The following EXOC4 variants were observed in gnomAD, a reference collection of about 807,000 sequenced individuals.
EXOC4 encodes exocyst complex component 4.
Under a neutral mutation model 107.2 loss-of-function variants are expected in EXOC4, and 71 were observed. That is an observed-to-expected ratio of 0.66 (90% CI 0.55 to 0.81). The LOEUF is 0.81. Among genes scored for constraint, EXOC4 ranks in the 30% least tolerant of loss-of-function variants. EXOC4 has a pLI of 0.00. For synonymous variants in EXOC4, 456 were observed against 441.2 expected (o/e 1.03, Z -0.42); for missense variants, 1,108 against 1,189.6 (o/e 0.93, Z 1.01).
At chr7:133,790,590 A>G (rs1796681773) in intron 10 of EXOC4, among the ~76,000 whole-genome samples, 1 of 152,262 alleles carries the variant, frequency 6.6e-6, no homozygotes, top group Non-Finnish European at 1.5e-5. Context: ...GACCACATGC[A>G]TTTCATTTGA....
At chr7:133,919,952 A>G (rs1432436736) in intron 13 of EXOC4, among the ~76,000 whole-genome samples, 1 of 152,238 alleles carries the variant, frequency 6.6e-6, no homozygotes, top group Non-Finnish European at 1.5e-5. Flanking sequence ...TAGTTGTATA[A>G]GAAACTGCCA....
intron 11 of EXOC4, among the ~76,000 whole-genome samples, chr7:133,869,709 G>T (rs185623943): frequency 6.6e-6 from 1 of 152,260 alleles, no homozygotes; most frequent in East Asian, 1.9e-4. Flanking sequence ...GAATCATGTG[G>T]CAGGAAGTTC....
intron 5 of EXOC4, among the ~76,000 whole-genome samples, chr7:133,345,390 C>G (rs1795761351): frequency 6.6e-6 from 1 of 152,160 alleles, no homozygotes. Context: ...TTAGAAAGCC[C>G]ATGCATTAAT....
intron 5 of EXOC4, among the ~76,000 whole-genome samples, chr7:133,351,818 T>C (rs1489486782): frequency 1.3e-5 from 2 of 151,986 alleles, no homozygotes; most frequent in Non-Finnish European, 2.9e-5. Context: ...TTTATAACTA[T>C]AAATTTCTCC....
intron 10 of EXOC4, among the ~76,000 whole-genome samples, chr7:133,738,792 A>G (rs1795501026): frequency 6.6e-6 from 1 of 152,228 alleles, no homozygotes; most frequent in South Asian, 2.1e-4. Flanking sequence ...CATGTGAACC[A>G]GCATGCCTGT....
At chr7:133,564,398 C>T (rs933669501) in intron 9 of EXOC4, among the ~76,000 whole-genome samples, 11 of 152,146 alleles carry the variant, frequency 7.2e-5, no homozygotes, top group Non-Finnish European at 1.3e-4. Context: ...ACGATCCAGT[C>T]ACCTCCTACC....
intron 11 of EXOC4, among the ~76,000 whole-genome samples, chr7:133,875,466 G>T (rs1235871482): frequency 6.6e-6 from 1 of 152,090 alleles, no homozygotes; most frequent in Non-Finnish European, 1.5e-5. Context: ...TAGAGGGCAG[G>T]GTTTGAGGAA....
chr7:133,928,406 C>T (rs1456588115), intron 13 of EXOC4, among the ~76,000 whole-genome samples: 1 of 152,188 alleles, frequency 6.6e-6, no homozygotes, highest in Non-Finnish European at 1.5e-5. Context: ...TCTGTCTCTG[C>T]TGATGCCTGT....
At chr7:133,864,911 G>GT (rs1798605348) in intron 11 of EXOC4, among the ~76,000 whole-genome samples, 1 of 152,118 alleles carries the variant, frequency 6.6e-6, no homozygotes, top group Non-Finnish European at 1.5e-5. Flanking sequence ...ATGGGATAGG[G>GT]ATGTTATCTT....
At position 133,329,824 on chromosome 7, in the gene EXOC4, A is replaced by T. The variant is rs530824297; in HGVS notation, c.763+12434A>T. On this transcript the variant is annotated intron_variant, in intron 5 of 17. Transcript: ENST00000253861. ...TTCATCTCAGAGGGGCACCAGCCAG[A>T]TGCCAGCCAGAGCTCTCCTTTATGA... 7.4e-4 allele frequency among the ~76,000 whole-genome samples: 113 copies of T among 152,246 alleles called. 1 individual carries two copies. Among genetic ancestry groups the T allele is most frequent in the African/African-American group, 2.5e-3 (104 of 41,532 alleles).
At chr7:133,660,954 C>T (rs967809544) in intron 10 of EXOC4, among the ~76,000 whole-genome samples, 4 of 152,064 alleles carry the variant, frequency 2.6e-5, no homozygotes, top group Non-Finnish European at 4.4e-5. Flanking sequence ...TTAAAAAACC[C>T]CAGAAATCTG....
chr7:133,330,647 G>GCACAGTCCCT lies in EXOC4; in HGVS notation c.763+13293_763+13302dup, dbSNP rs58220744. Among the ~76,000 whole-genome samples, 1,206 of 150,364 alleles carry GCACAGTCCCT rather than the reference G, an allele frequency of 8.0e-3. 26 individuals are homozygous for GCACAGTCCCT. The highest frequency in any genetic ancestry group is 0.027 in the African/African-American group (1,108 of 40,928). ...GGAGTGCACTGTTCCTCACGGCACG[G>GCACAGTCCCT]CACAGTCCCTCACAGTCCCTCACAG... On this transcript the variant is annotated intron_variant, in intron 5 of 17. Coordinates refer to ENST00000253861, the MANE Select transcript of EXOC4 (RefSeq NM_021807.4).
At chr7:133,635,475 A>G (rs1236887442) in intron 10 of EXOC4, among the ~76,000 whole-genome samples, 1 of 152,194 alleles carries the variant, frequency 6.6e-6, no homozygotes, top group Non-Finnish European at 1.5e-5. Flanking sequence ...ACAGGTGAGA[A>G]CACAAGTTAT....
At chr7:133,724,767 G>A (rs1585104236) in intron 10 of EXOC4, among the ~76,000 whole-genome samples, 1 of 152,280 alleles carries the variant, frequency 6.6e-6, no homozygotes, top group African/African-American at 2.4e-5. Flanking sequence ...GCAGTTATTT[G>A]GAGACAGATG....
intron 5 of EXOC4, among the ~76,000 whole-genome samples, chr7:133,345,731 C>G (rs371467461): frequency 6.6e-6 from 1 of 152,152 alleles, no homozygotes; most frequent in Non-Finnish European, 1.5e-5. Context: ...CGGGAGGACC[C>G]GTGCACACTC....
At chr7:133,879,095 A>G (rs568108029) in intron 11 of EXOC4, among the ~76,000 whole-genome samples, 2 of 152,170 alleles carry the variant, frequency 1.3e-5, no homozygotes, top group Non-Finnish European at 2.9e-5. Context: ...AGGGGCCACA[A>G]AATGGTTATT....
At chr7:133,945,458 G>A (rs781570474) in intron 14 of EXOC4, among the ~76,000 whole-genome samples, 97 of 152,298 alleles carry the variant, frequency 6.4e-4, no homozygotes, top group Non-Finnish European at 1.2e-3. Flanking sequence ...TGGAGATACG[G>A]TACTTCGTGT....
chr7:133,327,753 T>G (rs1221024658), intron 5 of EXOC4, among the ~76,000 whole-genome samples: 1 of 152,184 alleles, frequency 6.6e-6, no homozygotes, highest in African/African-American at 2.4e-5. Context: ...TGATTTTGAG[T>G]GAGTTTCTTA....
At chr7:133,279,520 G>T (rs1458746345) in intron 2 of EXOC4, among the ~76,000 whole-genome samples, 2 of 152,220 alleles carry the variant, frequency 1.3e-5, no homozygotes, top group Non-Finnish European at 2.9e-5. Context: ...CCACAGAACT[G>T]TTTATGCTTG....
Sources: gnomAD v4.1 joint callset for allele counts (sites outside exome capture counted in the v4.1 genomes callset) on GRCh38, gnomAD v4.1.1 for gene constraint, MANE v1.5 for transcripts, NCBI Gene and HGNC (gene_info 2026-07-23, HGNC 2026-07-21) for gene names.